Variants in CFAP44 observed in about 807,000 individuals in gnomAD.
CFAP44 encodes cilia- and flagella-associated protein 44.
In CFAP44, 134 loss-of-function variants were observed where a neutral mutation model predicts 216.2. The observed-to-expected ratio is 0.62, with a 90% CI of 0.54 to 0.72. The LOEUF (loss-of-function observed/expected upper bound fraction) is 0.72, where lower values mean the gene tolerates loss of function less well. CFAP44 is among the 30% of genes least tolerant of loss of function. CFAP44 has a pLI of 0.00. For synonymous variants in CFAP44, 700 were observed against 727.6 expected (o/e 0.96, Z 0.61); for missense variants, 2,035 against 2,182.1 (o/e 0.93, Z 1.34).
chr3:113,377,945 C>T (rs1933398145), intron 17 of CFAP44, among the ~76,000 whole-genome samples: 1 of 152,068 alleles, frequency 6.6e-6, no homozygotes, highest in South Asian at 2.1e-4. Context: ...GCCACTGCAC[C>T]CAGCCAAAAA....
intron 6 of CFAP44, among the ~76,000 whole-genome samples, chr3:113,409,754 A>G (rs1213788605): frequency 1.3e-5 from 2 of 152,210 alleles, no homozygotes; most frequent in East Asian, 3.8e-4. Flanking sequence ...ATACAGGTCA[A>G]AAGACCCAAC....
At chr3:113,334,664 TG>T (rs1950267228) in intron 24 of CFAP44, among the ~76,000 whole-genome samples, 1 of 151,826 alleles carries the variant, frequency 6.6e-6, no homozygotes, top group Non-Finnish European at 1.5e-5. Flanking sequence ...ATTAAAGGAT[TG>T]AAAAAAAAAT....
chr3:113,386,014 T>A (rs1225006903), intron 15 of CFAP44, among the ~76,000 whole-genome samples: 6 of 152,194 alleles, frequency 3.9e-5, no homozygotes, highest in African/African-American at 1.4e-4. Context: ...AAATCTGCTA[T>A]CATTGTATTA....
intron 21 of CFAP44, among the ~76,000 whole-genome samples, chr3:113,361,913 G>T (rs896471199): frequency 3.3e-5 from 5 of 151,674 alleles, no homozygotes; most frequent in Admixed American, 6.6e-5. Context: ...AACAGAAAGG[G>T]TTTCTAATTT....
At chr3:113,428,182 C>G (rs1196295433) in intron 2 of CFAP44, among the ~76,000 whole-genome samples, 1 of 152,182 alleles carries the variant, frequency 6.6e-6, no homozygotes, top group Non-Finnish European at 1.5e-5. Flanking sequence ...CTAATAATAC[C>G]TTAGCTCTTT....
rs1949771216 is a variant in CFAP44 at position 113,287,275 on chromosome 3, A to C, written c.*4282T>G. On this transcript the variant is annotated 3_prime_UTR_variant, in exon 35 of 35. Transcript: ENST00000393845. ...TATCACAGCCTGGAGACACCCACAC[A>C]GATGGCTGGATCCGGTGCTACGGGA... 3.1e-6 allele frequency: 1 copy of C among 317,774 alleles called. No homozygotes were observed. Among genetic ancestry groups the C allele is most frequent in the Admixed American group, 4.4e-5 (1 of 22,560 alleles). The allele number at this position is 317,774 out of a possible 1,614,324, so 19.7% of individuals were successfully genotyped here.
intron 24 of CFAP44, among the ~76,000 whole-genome samples, chr3:113,341,519 T>C (rs1046897304): frequency 6.6e-6 from 1 of 152,202 alleles, no homozygotes; most frequent in South Asian, 2.1e-4. Context: ...ATTAGCAAAA[T>C]GGAATTCCTG....
Position 113,419,973 on chromosome 3 carries a change from G to T in CFAP44, c.570+44C>A. The stretch of plus-strand genomic sequence containing the variant: ...GGCTGGTCCACAGAACAAGCAAAAA[G>T]ATAGGGTTTTTTGGGGTTTTTTTCT... On this transcript the variant is annotated intron_variant, in intron 5 of 34. Transcript: ENST00000393845. 4 of 1,598,574 alleles carry T rather than the reference G, an allele frequency of 2.5e-6. 1 individual carries two copies. The South Asian group carries it at 4.5e-5, about 18-fold the overall frequency.
At chr3:113,431,146 TG>T (rs893811188) in intron 2 of CFAP44, among the ~76,000 whole-genome samples, 1 of 151,414 alleles carries the variant, frequency 6.6e-6, no homozygotes, top group Non-Finnish European at 1.5e-5. Flanking sequence ...TTTTCAGGGG[TG>T]GGGGGAATGC....
At chr3:113,421,900 G>T (rs1193216219) in intron 4 of CFAP44, among the ~76,000 whole-genome samples, 2 of 151,892 alleles carry the variant, frequency 1.3e-5, no homozygotes, top group Non-Finnish European at 2.9e-5. Flanking sequence ...TCACTATGTG[G>T]GTGATGAGAT....
At chr3:113,409,795 C>T (rs937808068) in intron 6 of CFAP44, among the ~76,000 whole-genome samples, 6 of 152,142 alleles carry the variant, frequency 3.9e-5, no homozygotes, top group African/African-American at 1.4e-4. Context: ...AATATGCTGG[C>T]CAAAACCCAC....
rs146460031 is a variant in CFAP44 at position 113,379,968 on chromosome 3, G to A, written c.2053-417C>T. On this transcript the variant is annotated intron_variant, in intron 16 of 34. Transcript: ENST00000393845. Reference sequence around the variant, plus strand: ...AAAGCCCTCTGACACTGGTATTTCCGCCTCCCATCTTTTACTACTTCATTC... The same window carrying A: ...AAAGCCCTCTGACACTGGTATTTCCACCTCCCATCTTTTACTACTTCATTC... Among the ~76,000 whole-genome samples, 20 of 151,996 alleles carry A rather than the reference G, an allele frequency of 1.3e-4. No individual in the cohort carries two copies. The East Asian group carries it at 1.7e-3, about 13-fold the overall frequency.
chr3:113,342,397 C>T lies in CFAP44; in HGVS notation c.3263-479G>A, dbSNP rs560106147. Among the ~76,000 whole-genome samples the T allele has an allele frequency of 3.3e-5, 5 of 152,206 alleles. No individual in the cohort carries two copies. The East Asian group carries it at 5.8e-4, about 18-fold the overall frequency. On this transcript the variant is annotated intron_variant, in intron 23 of 34. Transcript: ENST00000393845. ...TGACCAACTACTATGAATTCAACCC[C>T]ATAATAAGTACTGTGGAATGTCAAA...
chr3:113,342,355 A>T (rs1427722955), intron 23 of CFAP44, among the ~76,000 whole-genome samples: 1 of 152,096 alleles, frequency 6.6e-6, no homozygotes, highest in Non-Finnish European at 1.5e-5. Context: ...ACAAAACAAA[A>T]ACAAAAATGT....
At chr3:113,400,312 G>A (rs943250300) in intron 12 of CFAP44, among the ~76,000 whole-genome samples, 9 of 151,992 alleles carry the variant, frequency 5.9e-5, no homozygotes, top group East Asian at 1.9e-4. Context: ...ATATCAAAAC[G>A]AGCAGCATTT....
intron 9 of CFAP44, 117 bp downstream of exon 9, chr3:113,403,735 G>T: frequency 9.0e-7 from 1 of 1,107,766 alleles, no homozygotes; most frequent in Non-Finnish European, 1.2e-6. Context: ...AGTTGGCCTT[G>T]GGAGTAAATG....
At chr3:113,387,950 A>G (rs1296390269) in intron 15 of CFAP44, among the ~76,000 whole-genome samples, 1 of 151,876 alleles carries the variant, frequency 6.6e-6, no homozygotes, top group East Asian at 1.9e-4. Flanking sequence ...TTGGGAAGAG[A>G]CTTCTCTGCT....
intron 34 of CFAP44, among the ~76,000 whole-genome samples, chr3:113,293,092 G>T (rs183083173): frequency 6.6e-6 from 1 of 152,126 alleles, no homozygotes; most frequent in African/African-American, 2.4e-5. Context: ...TTTGTTTAAG[G>T]TACTCTCAAT....
At position 113,400,002 on chromosome 3, in the gene CFAP44, T is replaced by C; in HGVS notation, c.1475-2A>G. 1 of 1,550,398 alleles carries C rather than the reference T, an allele frequency of 6.4e-7. No homozygotes were observed. The highest frequency in any genetic ancestry group is 8.7e-7 in the Non-Finnish European group (1 of 1,154,602). On this transcript the variant is annotated splice_acceptor_variant, in intron 12 of 34. Coordinates refer to ENST00000393845, the MANE Select transcript of CFAP44 (RefSeq NM_001164496.2). LOFTEE classifies it high-confidence loss of function. Reference sequence around the variant, plus strand: ...CAAAATCATAGATTCGAACAGAGCCTATAGAAAGACAGTTTTAAAAGAAAA... The same window carrying C: ...CAAAATCATAGATTCGAACAGAGCCCATAGAAAGACAGTTTTAAAAGAAAA...
Sources: gnomAD v4.1 joint callset for allele counts (sites outside exome capture counted in the v4.1 genomes callset) on GRCh38, gnomAD v4.1.1 for gene constraint, MANE v1.5 for transcripts, NCBI Gene and HGNC (gene_info 2026-07-23, HGNC 2026-07-21) for gene names.